Variants in TMEM165 observed in about 807,000 individuals in gnomAD.
TMEM165 encodes the protein transmembrane protein 165, also known as putative divalent cation/proton antiporter TMEM165.
Under a neutral mutation model 30.0 loss-of-function variants are expected in TMEM165, and 19 were observed. The observed-to-expected ratio is 0.63, with a 90% CI of 0.44 to 0.93. The LOEUF is 0.93. Ranked by LOEUF, TMEM165 falls within the 40% of genes least tolerant of loss-of-function variation. The pLI, the probability that TMEM165 is intolerant of heterozygous loss-of-function variation, is 0.00. For synonymous variants in TMEM165, 168 were observed against 162.9 expected (o/e 1.03, Z -0.24); for missense variants, 340 against 417.0 (o/e 0.82, Z 1.61).
intron 1 of TMEM165, among the ~76,000 whole-genome samples, chr4:55,398,499 G>C (rs931068329): frequency 3.9e-5 from 6 of 152,198 alleles, no homozygotes; most frequent in Non-Finnish European, 8.8e-5. Context: ...TTACTCTTTT[G>C]ACTTATTTAA....
chr4:55,433,492 T>C (rs1034279256), intron 3 of TMEM165: 1 of 152,280 alleles, frequency 6.6e-6, no homozygotes, highest in Non-Finnish European at 1.5e-5. Context: ...TGGCTTAGCA[T>C]TCCCCTGACC....
chr4:55,423,788 GAC>G (rs1261487431), intron 4 of TMEM165: 1 of 152,288 alleles, frequency 6.6e-6, no homozygotes, highest in Admixed American at 6.6e-5. Flanking sequence ...AGTGTCTGAG[GAC>G]ACAGTTTAAA....
At chr4:55,439,507 T>C (rs1723169856) in intron 3 of TMEM165, among the ~76,000 whole-genome samples, 2 of 152,200 alleles carry the variant, frequency 1.3e-5, no homozygotes, top group Admixed American at 1.3e-4. Flanking sequence ...ATTCCACTTC[T>C]GCTTATATAA....
rs555453584 is a variant in TMEM165 at position 55,433,367 on chromosome 4, T to G, written c.408+8724T>G. ...AAGTACCAATTTTCTTTGGTTGTTT[T>G]CTTTTTCAACATTAATGTTCAAAGT... On this transcript the variant is annotated intron_variant, in intron 3 of 3. Transcript: ENST00000608091. 7 of 152,762 alleles carry G rather than the reference T, an allele frequency of 4.6e-5. No homozygotes were observed. The Middle Eastern group carries it at 0.01, about 223-fold the overall frequency. The allele number at this position is 152,762 out of a possible 1,614,324, so 9.5% of individuals were successfully genotyped here. A position where few individuals can be genotyped will look rare whatever the true frequency, so the allele number is the denominator to read the frequency against.
At chr4:55,445,582 C>CT (rs56157186) in intron 3 of TMEM165, among the ~76,000 whole-genome samples, 992 of 68,572 alleles carry the variant, frequency 0.014, 190 homozygotes, top group African/African-American at 0.042. Context: ...TTTCTATATT[C>CT]TTTTTTTTTT....
At chr4:55,424,309 C>A (rs1722110039) in intron 4 of TMEM165, 2 of 496,160 alleles carry the variant, frequency 4.0e-6, no homozygotes, top group South Asian at 6.5e-5. Context: ...TTTGACTTTA[C>A]AAATTGATTT....
At chr4:55,442,228 GA>G (rs1442255106) in intron 3 of TMEM165, 16 of 567,974 alleles carry the variant, frequency 2.8e-5, no homozygotes, top group East Asian at 5.9e-5. Flanking sequence ...TTTTGGACAA[GA>G]AAAAAAATTT....
intron 3 of TMEM165, chr4:55,450,239 A>G (rs1405057788): frequency 6.2e-7 from 1 of 1,613,898 alleles, no homozygotes; most frequent in Non-Finnish European, 8.5e-7. Flanking sequence ...GGCTCTATGG[A>G]GACAGAGTAA....
chr4:55,413,845 T>TAA (rs1339501118), intron 2 of TMEM165, among the ~76,000 whole-genome samples: 2 of 152,232 alleles, frequency 1.3e-5, no homozygotes, highest in Non-Finnish European at 2.9e-5. Flanking sequence ...TACATATACA[T>TAA]ACATTATTTA....
chr4:55,404,142 G>C (rs1721173647), intron 1 of TMEM165, among the ~76,000 whole-genome samples: 1 of 149,284 alleles, frequency 6.7e-6, no homozygotes, highest in Non-Finnish European at 1.5e-5. Flanking sequence ...CTTCCGAGTG[G>C]CTAGGACTAC....
rs35888413 is a variant in TMEM165, at chr4:55,436,892, CTTTTTTTTT to C, written c.408+12261_408+12269del. On this transcript the variant is annotated intron_variant, in intron 3 of 3. Coordinates refer to the TMEM165 transcript ENST00000608091. ...TGTGGGTCCTATGTCTTTGGGATGC[CTTTTTTTTT>C]TTTTTTTTTTTGAGAATGTTTATTC... Among the ~76,000 whole-genome samples the C allele has an allele frequency of 5.8e-3, 573 of 98,364 alleles. 6 individuals carry two copies. The highest frequency in any genetic ancestry group is 7.0e-3 in the Non-Finnish European group (350 of 49,868). The allele number at this position is 98,364 out of a possible 152,430, so 64.5% of individuals were successfully genotyped here. A position where few individuals can be genotyped will look rare whatever the true frequency, so the allele number is the denominator to read the frequency against.
In TMEM165 at chr4:55,449,385, A is replaced by G. The variant is rs757587614; in HGVS notation, c.409-2854A>G. On this transcript the variant is annotated intron_variant, in intron 3 of 3. Transcript: ENST00000608091. ...ATCTTTATTCAGAAGAATATCCACT[A>G]AAGAGCTTACCTGACTACTAAATGA... The G allele has an allele frequency of 1.4e-5, 23 of 1,604,850 alleles. No homozygotes were observed. In the East Asian group the frequency reaches 3.1e-4, roughly 22 times the overall value.
intron 2 of TMEM165, among the ~76,000 whole-genome samples, chr4:55,413,404 TC>T (rs1290663925): frequency 1.3e-5 from 2 of 152,222 alleles, no homozygotes; most frequent in Admixed American, 6.5e-5. Flanking sequence ...AACCTCCATC[TC>T]CCAGGCTCAG....
At chr4:55,432,060 CTTG>C (rs1290158799) in intron 3 of TMEM165, 2 of 152,196 alleles carry the variant, frequency 1.3e-5, no homozygotes, top group Non-Finnish European at 2.9e-5. Flanking sequence ...TCACTGGCAT[CTTG>C]TTATTACTAT....
downstream of TMEM165, chr4:55,429,589 A>C (rs1050867542): frequency 6.6e-6 from 1 of 152,216 alleles, no homozygotes; most frequent in Non-Finnish European, 1.5e-5. Flanking sequence ...AGAACTTTAA[A>C]TGGATTTTAA....
intron 1 of TMEM165, chr4:55,398,974 C>T (rs1299297879): frequency 6.6e-6 from 1 of 150,876 alleles, no homozygotes; most frequent in East Asian, 1.9e-4. Flanking sequence ...GAGAACTAAG[C>T]TTTTATCATC....
chr4:55,416,448 G>A (rs780331961), intron 2 of TMEM165, among the ~76,000 whole-genome samples: 6 of 152,182 alleles, frequency 3.9e-5, no homozygotes, highest in Non-Finnish European at 8.8e-5. Flanking sequence ...TTACACAGAT[G>A]TCTTTCCTTA....
rs1723425977 is a variant in TMEM165 at position 55,442,211 on chromosome 4, A to AG, written c.409-10027dup. The AG allele has an allele frequency of 2.2e-5, 12 of 546,044 alleles. No homozygotes were observed. The East Asian group carries it at 3.8e-4, about 17-fold the overall frequency. 33.8% of individuals were successfully genotyped at this position (546,044 alleles called of 1,614,324 possible). ...GAATTTGTATTCTATAATATTTTGT[A>AG]GCATATTTTTGGACAAGAAAAAAAA... On this transcript the variant is annotated intron_variant, in intron 3 of 3. Coordinates refer to the TMEM165 transcript ENST00000608091.
At chr4:55,400,277 A>ATTAT (rs1560385886) in intron 1 of TMEM165, among the ~76,000 whole-genome samples, 26 of 102,590 alleles carry the variant, frequency 2.5e-4, no homozygotes, top group African/African-American at 1.2e-3. Context: ...TATATAATAT[A>ATTAT]ATATTATATA....
Sources: gnomAD v4.1 joint callset for allele counts (sites outside exome capture counted in the v4.1 genomes callset) on GRCh38, gnomAD v4.1.1 for gene constraint, MANE v1.5 for transcripts, NCBI Gene and HGNC (gene_info 2026-07-23, HGNC 2026-07-21) for gene names.